The following KATNBL1 variants were observed in gnomAD, a reference collection of about 807,000 sequenced individuals.
KATNBL1 encodes KATNB1-like protein 1.
A neutral mutation model predicts 44.7 loss-of-function variants in KATNBL1; 28 were observed. That is an observed-to-expected ratio of 0.63 (90% CI 0.46 to 0.86). The LOEUF (loss-of-function observed/expected upper bound fraction) is 0.86, where lower values mean the gene tolerates loss of function less well. KATNBL1 is among the 40% of genes least tolerant of loss of function. The pLI, the probability that KATNBL1 is intolerant of heterozygous loss-of-function variation, is 0.00. For synonymous variants in KATNBL1, 78 were observed against 114.9 expected (o/e 0.68, Z 2.06); for missense variants, 272 against 350.7 (o/e 0.78, Z 1.79).
chr15:34,169,438 G>A (rs1203077834), intron 1 of KATNBL1, among the ~76,000 whole-genome samples: 1 of 152,154 alleles, frequency 6.6e-6, no homozygotes, highest in Non-Finnish European at 1.5e-5. Context: ...TGAAATTGAG[G>A]CAATAATTAA....
At chr15:34,165,317 A>AT (rs112152461) in intron 1 of KATNBL1, among the ~76,000 whole-genome samples, 19,024 of 150,922 alleles carry the variant, frequency 0.13, 1,339 homozygotes, top group Non-Finnish European at 0.16. Flanking sequence ...ACAATGTGAG[A>AT]TTTTTTTTTT....
chr15:34,171,265 C>T (rs1484037841), intron 1 of KATNBL1, among the ~76,000 whole-genome samples: 2 of 151,972 alleles, frequency 1.3e-5, no homozygotes, highest in East Asian at 1.9e-4. Flanking sequence ...CCAATCAAAA[C>T]GTGGGCAAAG....
At chr15:34,174,694 C>T (rs73378126) in intron 1 of KATNBL1, among the ~76,000 whole-genome samples, 31,287 of 151,568 alleles carry the variant, frequency 0.21, 4,035 homozygotes, top group African/African-American at 0.37. Flanking sequence ...TTCGCTTTGT[C>T]GCCCAGGTTG....
chr15:34,150,296 G>T (rs372938214), intron 4 of KATNBL1, among the ~76,000 whole-genome samples: 2 of 151,492 alleles, frequency 1.3e-5, no homozygotes, highest in East Asian at 1.9e-4. Flanking sequence ...TTTTTAAAAA[G>T]AACTTTTATT....
At chr15:34,199,668 A>C (rs1278743360) in intron 1 of KATNBL1, 2 of 152,452 alleles carry the variant, frequency 1.3e-5, no homozygotes, top group Non-Finnish European at 2.9e-5. Flanking sequence ...TTCGTGGTCC[A>C]GAGTTTGTTC....
chr15:34,197,596 G>A (rs757850907), intron 1 of KATNBL1, among the ~76,000 whole-genome samples: 1 of 152,176 alleles, frequency 6.6e-6, no homozygotes, highest in South Asian at 2.1e-4. Flanking sequence ...ACAGAGAAAA[G>A]AATGAAAGGA....
At chr15:34,145,027 T>C (rs571679087) in intron 9 of KATNBL1, 5 of 972,056 alleles carry the variant, frequency 5.1e-6, no homozygotes, top group Non-Finnish European at 6.1e-6. Context: ...TAAAACTTAA[T>C]CTCCAAAACC....
intron 1 of KATNBL1, among the ~76,000 whole-genome samples, chr15:34,201,140 C>T (rs1329344058): frequency 6.6e-6 from 1 of 152,118 alleles, no homozygotes; most frequent in African/African-American, 2.4e-5. Flanking sequence ...ATCAAGTCCA[C>T]TTAGATTACT....
At chr15:34,161,386 A>G (rs1888801544) in intron 2 of KATNBL1, among the ~76,000 whole-genome samples, 1 of 152,138 alleles carries the variant, frequency 6.6e-6, no homozygotes, top group Admixed American at 6.6e-5. Context: ...TCCTCATGGG[A>G]GAGGACCAGG....
intron 1 of KATNBL1, among the ~76,000 whole-genome samples, chr15:34,175,903 T>C (rs1232029249): frequency 2.0e-5 from 3 of 152,066 alleles, no homozygotes; most frequent in Non-Finnish European, 4.4e-5. Flanking sequence ...CCAGCAACTC[T>C]ACTCCTACAT....
At chr15:34,197,388 T>C (rs527269400) in intron 1 of KATNBL1, among the ~76,000 whole-genome samples, 12 of 152,360 alleles carry the variant, frequency 7.9e-5, no homozygotes, top group African/African-American at 2.9e-4. Context: ...ATTTTCAGAA[T>C]AATGCTGTGA....
Position 34,163,614 on chromosome 15 carries a change from G to T in KATNBL1, c.63C>A (p.Phe21Leu), listed in dbSNP as rs750048690. Residue 21 changes from phenylalanine (F) to leucine (L), a missense_variant, in exon 2 of 10, where the codon TTC becomes TTA. Phe to Leu is a conservative substitution (Grantham distance 22, BLOSUM62 0). Around this residue, in one of 3 missense-constraint regions of KATNBL1, gnomAD observed 122 missense variants for 125.0 expected, o/e 0.98. Coordinates refer to ENST00000256544, the MANE Select transcript of KATNBL1 (RefSeq NM_024713.3). ...AGATCTTTTTTCTAGGAAGATCAAT[G>T]AAATGATCCTCAATCTTATTACAAA... is the stretch of plus-strand genomic sequence containing the variant. ...RNFCNKIEDHFIDLPRKKISN... is the reference protein window; with the variant it reads ...RNFCNKIEDHLIDLPRKKISN... The T allele has an allele frequency of 6.3e-7, 1 of 1,599,208 alleles. No individual in the cohort carries two copies. Among genetic ancestry groups the T allele is most frequent in the Admixed American group, 1.8e-5 (1 of 56,168 alleles).
At chr15:34,201,699 T>A (rs986465247) in intron 1 of KATNBL1, among the ~76,000 whole-genome samples, 1 of 152,176 alleles carries the variant, frequency 6.6e-6, no homozygotes, top group Non-Finnish European at 1.5e-5. Context: ...TCTGGAAATA[T>A]TCAACAGGGA....
chr15:34,162,998 T>C (rs1002100764), intron 2 of KATNBL1, among the ~76,000 whole-genome samples: 1 of 151,502 alleles, frequency 6.6e-6, no homozygotes, highest in African/African-American at 2.4e-5. Flanking sequence ...CCTCTTTAAC[T>C]AAAATATTTA....
chr15:34,205,491 G>C (rs1890271404), intron 1 of KATNBL1, among the ~76,000 whole-genome samples: 1 of 152,190 alleles, frequency 6.6e-6, no homozygotes, highest in African/African-American at 2.4e-5. Context: ...TGGCACTTAA[G>C]TATGTGGTGA....
At chr15:34,186,012 G>A (rs147206831) in intron 1 of KATNBL1, among the ~76,000 whole-genome samples, 1 of 152,110 alleles carries the variant, frequency 6.6e-6, no homozygotes, top group Non-Finnish European at 1.5e-5. Flanking sequence ...TTTTAAGATC[G>A]GGAGGGTCAA....
chr15:34,156,664 G>A (rs181210576), intron 2 of KATNBL1, among the ~76,000 whole-genome samples: 104 of 152,256 alleles, frequency 6.8e-4, no homozygotes, highest in African/African-American at 2.4e-3. Context: ...GGCGGTGGGG[G>A]AGCAATGAAG....
At chr15:34,207,675 A>G (rs539177818) in intron 1 of KATNBL1, among the ~76,000 whole-genome samples, 1 of 151,982 alleles carries the variant, frequency 6.6e-6, no homozygotes, top group East Asian at 1.9e-4. Flanking sequence ...ATCTCGGCTC[A>G]CTGTAGCCTT....
intron 1 of KATNBL1, among the ~76,000 whole-genome samples, chr15:34,193,222 A>AC (rs893209829): frequency 7.6e-6 from 1 of 131,134 alleles, no homozygotes; most frequent in Non-Finnish European, 1.7e-5. Context: ...GTCTCAAAAA[A>AC]AAAAAAAAAA....
Sources: gnomAD v4.1 joint callset for allele counts (sites outside exome capture counted in the v4.1 genomes callset) on GRCh38, gnomAD v4.1.1 for gene constraint, gnomAD v4.1.1 regional missense constraint, MANE v1.5 for transcripts, NCBI Gene and HGNC (gene_info 2026-07-23, HGNC 2026-07-21) for gene names.